Variants in PRXL2A observed in about 807,000 individuals in gnomAD.
PRXL2A encodes peroxiredoxin-like 2A.
Under a neutral mutation model 25.6 loss-of-function variants are expected in PRXL2A, and 26 were observed. The ratio of observed to expected loss-of-function variants is 1.02; its 90% CI spans 0.74 to 1.41. The LOEUF is 1.41. PRXL2A is among the 40% of genes most tolerant of loss of function. The pLI, the probability that PRXL2A is intolerant of heterozygous loss-of-function variation, is 0.00. For missense variants in PRXL2A, 246 were observed against 273.9 expected, an observed-to-expected ratio of 0.90 and a Z score of 0.72; for synonymous variants, 98 against 102.9, an observed-to-expected ratio of 0.95 and a Z score of 0.29.
chr10:80,426,102 G>A (rs1845036655), intron 4 of PRXL2A, 96 bp downstream of exon 4: 2 of 1,493,234 alleles, frequency 1.3e-6, no homozygotes, highest in South Asian at 1.2e-5. Flanking sequence ...CCTGGAGCTG[G>A]AGGCTGGCCT....
At chr10:80,421,105 A>G (rs949452830) in intron 2 of PRXL2A, among the ~76,000 whole-genome samples, 1 of 152,160 alleles carries the variant, frequency 6.6e-6, no homozygotes, top group Non-Finnish European at 1.5e-5. Context: ...ATCCAATTCC[A>G]TGCTCCTGAT....
rs78741120 is a variant in PRXL2A, at chr10:80,435,074, T to C, written c.*2975T>C. On this transcript the variant is annotated 3_prime_UTR_variant, in exon 6 of 6. Transcript: ENST00000606162. ...ACTAAAAATACAAAAGTTAGCCTGT[T>C]GTGGTGGCGCGCACCTGTAATCCCA... 0.1 allele frequency: 15,911 copies of C among 152,048 alleles called. 1,388 individuals carry two copies. The highest frequency in any genetic ancestry group is 0.24 in the African/African-American group (10,056 of 41,388). The allele number at this position is 152,048 out of a possible 1,614,324, so 9.4% of individuals were successfully genotyped here. A position where few individuals can be genotyped will look rare whatever the true frequency, so the allele number is the denominator to read the frequency against.
chr10:80,435,851 T>C lies in PRXL2A; in HGVS notation c.*3752T>C, dbSNP rs935948442. The C allele has an allele frequency of 6.6e-6, 1 of 152,192 alleles. No individual in the cohort carries two copies. Among genetic ancestry groups the C allele is most frequent in the African/African-American group, 2.4e-5 (1 of 41,432 alleles). The allele number at this position is 152,192 out of a possible 1,614,324, so 9.4% of individuals were successfully genotyped here. A position where few individuals can be genotyped will look rare whatever the true frequency, so the allele number is the denominator to read the frequency against. ...TTCTAAAGGACTATACAGATTAAAG[T>C]CATTAATCTCTGTGGGCTTTGGACT... On this transcript the variant is annotated 3_prime_UTR_variant, in exon 6 of 6. Coordinates refer to ENST00000606162, the MANE Select transcript of PRXL2A (RefSeq NM_032333.5).
chr10:80,427,922 G>T (rs1845106581), intron 5 of PRXL2A, among the ~76,000 whole-genome samples: 1 of 152,126 alleles, frequency 6.6e-6, no homozygotes, highest in Admixed American at 6.5e-5. Context: ...TTTGTTTTCT[G>T]TGCTTGAACA....
At chr10:80,427,276 T>G (rs1320170631) in intron 4 of PRXL2A, 56 bp from the exon 5 acceptor site, 1 of 1,525,852 alleles carries the variant, frequency 6.6e-7, no homozygotes, top group Non-Finnish European at 9.0e-7. Context: ...GTTTCCTCCT[T>G]GAGGAAGGCA....
rs1432725627 is a variant in PRXL2A, at chr10:80,432,625, A to G, written c.*526A>G. 1 of 130,598 alleles carries G rather than the reference A, an allele frequency of 7.7e-6. No homozygotes were observed. The highest frequency in any genetic ancestry group is 8.3e-5 in the Admixed American group (1 of 12,044). The allele number at this position is 130,598 out of a possible 1,614,324, so 8.1% of individuals were successfully genotyped here. A position where few individuals can be genotyped will look rare whatever the true frequency, so the allele number is the denominator to read the frequency against. On this transcript the variant is annotated 3_prime_UTR_variant, in exon 6 of 6. Transcript: ENST00000606162. ...CACTGTATTCCAGCCTGGGTGACTGAGACTCTAACTAAAAAAAAAAAAAAA... is the reference window on the plus strand; with the variant it reads ...CACTGTATTCCAGCCTGGGTGACTGGGACTCTAACTAAAAAAAAAAAAAAA...
intron 5 of PRXL2A, among the ~76,000 whole-genome samples, chr10:80,431,592 A>G (rs928637609): frequency 2.0e-4 from 31 of 152,142 alleles, no homozygotes; most frequent in African/African-American, 7.0e-4. Flanking sequence ...TCCAAAGTCT[A>G]ACCTCTGAGC....
chr10:80,420,272 T>C, intron 1 of PRXL2A, 194 bp from the exon 2 acceptor site: 3 of 1,335,798 alleles, frequency 2.2e-6, no homozygotes, highest in Non-Finnish European at 2.9e-6. Context: ...AACCTCCATG[T>C]GTGTGCTGCA....
chr10:80,413,938 A>T, intron 1 of PRXL2A: 1 of 1,072,892 alleles, frequency 9.3e-7, no homozygotes, highest in Non-Finnish European at 1.2e-6. Flanking sequence ...CGTTTGAGGA[A>T]GGGAGTTGCC....
At chr10:80,425,004 C>T (rs1844997306) in intron 3 of PRXL2A, among the ~76,000 whole-genome samples, 2 of 152,184 alleles carry the variant, frequency 1.3e-5, no homozygotes, top group Admixed American at 6.5e-5. Context: ...AATTCTGCCT[C>T]ATTAGTTGTT....
chr10:80,420,732 T>C (rs978702587), intron 2 of PRXL2A, 87 bp downstream of exon 2: 7 of 1,052,956 alleles, frequency 6.6e-6, no homozygotes, highest in Non-Finnish European at 9.1e-6. Flanking sequence ...TCTCCTTTTT[T>C]TAATTGAAAA....
intron 5 of PRXL2A, among the ~76,000 whole-genome samples, chr10:80,428,292 G>T (rs904416140): frequency 2.0e-5 from 3 of 152,230 alleles, no homozygotes; most frequent in African/African-American, 7.2e-5. Flanking sequence ...GCAGCCTTGA[G>T]CCATGGTGGT....
At chr10:80,416,775 A>G (rs1844674257) in intron 1 of PRXL2A, among the ~76,000 whole-genome samples, 1 of 152,228 alleles carries the variant, frequency 6.6e-6, no homozygotes, top group Non-Finnish European at 1.5e-5. Flanking sequence ...TAACGTGCTT[A>G]TGAATTGCCT....
chr10:80,429,004 C>G (rs1845143094), intron 5 of PRXL2A, among the ~76,000 whole-genome samples: 1 of 152,044 alleles, frequency 6.6e-6, no homozygotes, highest in Non-Finnish European at 1.5e-5. Flanking sequence ...TGGGTTCACG[C>G]CATTCTCCTG....
intron 4 of PRXL2A, among the ~76,000 whole-genome samples, chr10:80,426,217 T>C (rs1424584518): frequency 6.6e-6 from 1 of 152,222 alleles, no homozygotes; most frequent in Admixed American, 6.5e-5. Flanking sequence ...TCCCTGACCA[T>C]CTGGTGGTTT....
chr10:80,410,568 T>C (rs534098009), intron 1 of PRXL2A, among the ~76,000 whole-genome samples: 2 of 152,384 alleles, frequency 1.3e-5, no homozygotes, highest in African/African-American at 4.8e-5. Context: ...AGAAAGATAA[T>C]GCTGCTTTGC....
intron 1 of PRXL2A, chr10:80,409,088 C>T: frequency 1.2e-5 from 12 of 985,170 alleles, no homozygotes; most frequent in Non-Finnish European, 1.4e-5. Context: ...TGGCAGTCCT[C>T]GTCCTCGTCT....
intron 1 of PRXL2A, among the ~76,000 whole-genome samples, chr10:80,413,218 A>T (rs1021518172): frequency 6.6e-6 from 1 of 151,278 alleles, no homozygotes; most frequent in Non-Finnish European, 1.5e-5. Flanking sequence ...TACAACCAAG[A>T]CACCTACAAA....
At position 80,427,344 on chromosome 10, in the gene PRXL2A, G is replaced by C; in HGVS notation, c.424G>C (p.Gly142Arg). ...TCTCACTCCATAGAAAAAGTTCTAT[G>C]GTCCACAAAGGCGGAAGATGATGTT... is the stretch of plus-strand genomic sequence containing the variant. ...IFLDEKKKFY[G>R]PQRRKMMFMG... is the part of the protein sequence containing the mutation. The change falls in exon 5 of 6, where the codon GGT (glycine) becomes CGT (arginine). Residue 142 changes from glycine to arginine, a missense_variant. Gly to Arg is a moderately radical substitution (Grantham distance 125). Coordinates refer to ENST00000606162, the MANE Select transcript of PRXL2A (RefSeq NM_032333.5). 1 of 1,613,864 alleles carries C rather than the reference G, an allele frequency of 6.2e-7. No individual in the cohort carries two copies. The highest frequency in any genetic ancestry group is 8.5e-7 in the Non-Finnish European group (1 of 1,179,880).
Sources: allele counts gnomAD v4.1 joint callset (sites outside exome capture counted in the v4.1 genomes callset), GRCh38; gene constraint gnomAD v4.1.1; transcripts MANE v1.5; gene names NCBI Gene and HGNC (gene_info 2026-07-23, HGNC 2026-07-21).